The following CCDC88A variants were observed in gnomAD, a reference collection of about 807,000 sequenced individuals.
CCDC88A encodes girdin.
Under a neutral mutation model 234.3 loss-of-function variants are expected in CCDC88A, and 54 were observed. The observed-to-expected ratio is 0.23, with a 90% confidence interval of 0.19 to 0.29. The LOEUF (loss-of-function observed/expected upper bound fraction) is 0.29, where lower values mean the gene tolerates loss of function less well. CCDC88A is among the 10% of genes least tolerant of loss of function. CCDC88A has a pLI of 1.00. For synonymous variants in CCDC88A, 753 were observed against 737.8 expected (o/e 1.02, Z -0.33); for missense variants, 1,832 against 2,123.4 (o/e 0.86, Z 2.70).
intron 17 of CCDC88A, chr2:55,324,360 C>G (rs575759226): frequency 6.6e-6 from 1 of 152,276 alleles, no homozygotes; most frequent in South Asian, 2.1e-4. Context: ...ACTTCCATCA[C>G]TCTAGAAAGA....
intron 12 of CCDC88A, among the ~76,000 whole-genome samples, chr2:55,340,602 C>T (rs1175033678): frequency 6.6e-6 from 1 of 152,006 alleles, no homozygotes; most frequent in Non-Finnish European, 1.5e-5. Flanking sequence ...TAACTATAAA[C>T]TTACAGGATA....
At chr2:55,406,864 G>A (rs1188859684) in intron 2 of CCDC88A, among the ~76,000 whole-genome samples, 1 of 152,096 alleles carries the variant, frequency 6.6e-6, no homozygotes, top group African/African-American at 2.4e-5. Flanking sequence ...TTATGTTATC[G>A]ATGATAATGT....
intron 27 of CCDC88A, 81 bp downstream of exon 27, chr2:55,301,791 A>G: frequency 8.2e-7 from 1 of 1,221,934 alleles, no homozygotes; most frequent in Non-Finnish European, 1.2e-6. Context: ...GCTGCTTTTT[A>G]AAAAGTACAC....
intron 8 of CCDC88A, among the ~76,000 whole-genome samples, chr2:55,351,126 G>C (rs1015639000): frequency 6.6e-6 from 1 of 151,936 alleles, no homozygotes; most frequent in East Asian, 1.9e-4. Context: ...TTTTTTAAGA[G>C]AGAGGATGTC....
chr2:55,302,803 C>T (rs10173661), intron 26 of CCDC88A: 11,919 of 243,876 alleles, frequency 0.049, 1,272 homozygotes, highest in African/African-American at 0.23. Context: ...GGGTTTTTTT[C>T]CTGCCAATTT....
intron 25 of CCDC88A, among the ~76,000 whole-genome samples, chr2:55,307,127 C>T (rs1233217308): frequency 6.6e-6 from 1 of 152,078 alleles, no homozygotes; most frequent in Non-Finnish European, 1.5e-5. Flanking sequence ...ATCCTGTTCA[C>T]ATATTTTGTA....
At chr2:55,336,228 T>C (rs6734415) in intron 14 of CCDC88A, among the ~76,000 whole-genome samples, 5,804 of 152,082 alleles carry the variant, frequency 0.038, 345 homozygotes, top group African/African-American at 0.12. Flanking sequence ...AGTCAATTAA[T>C]CTATGCAGTT....
At position 55,381,588 on chromosome 2, in the gene CCDC88A, A is replaced by G. The variant is rs946890459; in HGVS notation, c.274-6705T>C. 3.3e-5 allele frequency among the ~76,000 whole-genome samples: 5 copies of G among 151,452 alleles called. No homozygotes were observed. In the South Asian group the frequency reaches 1.0e-3, roughly 32 times the overall value. ...AAAAAAAAAAAGTGCACATGACTAT[A>G]CAGACTATACATTACAAATTTTTGT... On this transcript the variant is annotated intron_variant, in intron 3 of 32. Transcript: ENST00000436346.
Position 55,295,727 on chromosome 2 carries a change from G to C in CCDC88A, c.5421C>G (p.Ser1807Arg), listed in dbSNP as rs112577002. ...TAGTTCCTTCGGCAGTTGAGATCAC[G>C]CTGCTTGCACGAGGTAAAGTTGCAT... is the stretch of plus-strand genomic sequence containing the variant. ...NPYATLPRAS[S>R]VISTAEGTTR... Residue 1807 changes from serine to arginine, a missense_variant, in exon 31 of 33, where the codon AGC (serine) becomes AGG (arginine). By Grantham distance (110) the Ser-to-Arg change is moderately radical. This residue lies in a region of CCDC88A where 422 missense variants were observed against 416.5 expected (regional missense o/e 1.01). Transcript: ENST00000436346. 2 of 1,614,156 alleles carry C rather than the reference G, an allele frequency of 1.2e-6. No individual in the cohort carries two copies. Among genetic ancestry groups the C allele is most frequent in the Non-Finnish European group, 1.7e-6 (2 of 1,180,002 alleles).
At position 55,336,822 on chromosome 2, in the gene CCDC88A, G is replaced by A; in HGVS notation, c.1519-4C>T. 1 of 1,538,578 alleles carries A rather than the reference G, an allele frequency of 6.5e-7. No individual in the cohort carries two copies. Among genetic ancestry groups the A allele is most frequent in the Non-Finnish European group, 8.9e-7 (1 of 1,127,866 alleles). On this transcript the variant is annotated splice_region_variant and splice_polypyrimidine_tract_variant and intron_variant, in intron 13 of 32. Coordinates refer to ENST00000436346, the MANE Select transcript of CCDC88A (RefSeq NM_001365480.1). ...TCTCATTTTCAAGAATCTCAACCTA[G>A]AGAAAATTAAATCACAAAACAATAC...
At chr2:55,341,246 A>G (rs961467758) in intron 12 of CCDC88A, among the ~76,000 whole-genome samples, 1 of 148,872 alleles carries the variant, frequency 6.7e-6, no homozygotes, top group Non-Finnish European at 1.5e-5. Context: ...CTCGGGTTCA[A>G]GCGATTTTCC....
intron 29 of CCDC88A, 118 bp from the exon 30 acceptor site, chr2:55,296,641 C>T: frequency 1.0e-6 from 1 of 969,646 alleles, no homozygotes; most frequent in Non-Finnish European, 1.5e-6. Context: ...TACTTTCAAG[C>T]TTTATTTAGA....
intron 3 of CCDC88A, among the ~76,000 whole-genome samples, chr2:55,386,035 C>A (rs562790240): frequency 6.7e-6 from 1 of 148,830 alleles, no homozygotes; most frequent in East Asian, 2.0e-4. Flanking sequence ...ACCAGCCTGA[C>A]CAATATGATG....
chr2:55,291,240 G>A lies in CCDC88A; in HGVS notation c.*36-76C>T, dbSNP rs565603542. 2.9e-3 allele frequency: 449 copies of A among 152,604 alleles called. 4 individuals are homozygous for A. The highest frequency in any genetic ancestry group is 3.8e-3 in the Non-Finnish European group (257 of 68,072). 9.5% of individuals were successfully genotyped at this position (152,604 alleles called of 1,614,324 possible). A position where few individuals can be genotyped will look rare whatever the true frequency, so the allele number is the denominator to read the frequency against. ...AAAGATAAGAGAGACACAAAATACA[G>A]AGCAGCCACTATAAGAACAGCATGC... On this transcript the variant is annotated intron_variant, in intron 32 of 32. Coordinates refer to ENST00000436346, the MANE Select transcript of CCDC88A (RefSeq NM_001365480.1).
chr2:55,385,980 T>A (rs1033736111), intron 3 of CCDC88A, among the ~76,000 whole-genome samples: 1 of 151,288 alleles, frequency 6.6e-6, no homozygotes, highest in East Asian at 1.9e-4. Context: ...TCCCAACACT[T>A]TGGGAGGCCG....
Position 55,290,361 on chromosome 2 carries a change from A to C in CCDC88A, c.*839T>G, listed in dbSNP as rs1004204598. On this transcript the variant is annotated 3_prime_UTR_variant, in exon 33 of 33. Coordinates refer to ENST00000436346, the MANE Select transcript of CCDC88A (RefSeq NM_001365480.1). ...AAGTTAAAAAAATGCACACGCATAC[A>C]TAACCCAATACCAAAGAAAAGAAAT... The C allele has an allele frequency of 6.6e-6, 1 of 152,114 alleles. No homozygotes were observed. Among genetic ancestry groups the C allele is most frequent in the East Asian group, 1.9e-4 (1 of 5,200 alleles). The allele number at this position is 152,114 out of a possible 1,614,324, so 9.4% of individuals were successfully genotyped here. A position where few individuals can be genotyped will look rare whatever the true frequency, so the allele number is the denominator to read the frequency against.
chr2:55,417,048 T>C (rs146489223), intron 2 of CCDC88A: 2 of 151,970 alleles, frequency 1.3e-5, no homozygotes, highest in Non-Finnish European at 2.9e-5. Flanking sequence ...CTAGTCCTCA[T>C]GAAAAACAGC....
chr2:55,398,739 C>G (rs571317463), intron 2 of CCDC88A, among the ~76,000 whole-genome samples: 1 of 151,878 alleles, frequency 6.6e-6, no homozygotes, highest in African/African-American at 2.4e-5. Flanking sequence ...ACAGTGAAAC[C>G]TCATCTCCAC....
At chr2:55,326,791 G>C (rs1684322962) in intron 17 of CCDC88A, among the ~76,000 whole-genome samples, 1 of 152,058 alleles carries the variant, frequency 6.6e-6, no homozygotes, top group Non-Finnish European at 1.5e-5. Flanking sequence ...GGCTGGTCTT[G>C]AACTCCCAAC....
Sources: allele counts gnomAD v4.1 joint callset (sites outside exome capture counted in the v4.1 genomes callset), GRCh38; gene constraint gnomAD v4.1.1; regional missense constraint gnomAD v4.1.1; transcripts MANE v1.5; gene names NCBI Gene and HGNC (gene_info 2026-07-23, HGNC 2026-07-21).